The following PRR12 variants were observed in gnomAD, a reference collection of about 807,000 sequenced individuals.
PRR12 encodes proline-rich protein 12.
Under a neutral mutation model 138.0 loss-of-function variants are expected in PRR12, and 12 were observed. That is an observed-to-expected ratio of 0.09 (90% confidence interval 0.06 to 0.14). The LOEUF (loss-of-function observed/expected upper bound fraction) is 0.14. Ranked by LOEUF, PRR12 falls within the 10% of genes least tolerant of loss-of-function variation. The pLI, the probability that PRR12 is intolerant of heterozygous loss-of-function variation, is 1.00. For synonymous variants in PRR12, 1,567 were observed against 1,291.7 expected, an observed-to-expected ratio of 1.21 and a Z score of -4.57; for missense variants, 2,692 against 2,861.3, an observed-to-expected ratio of 0.94 and a Z score of 1.35.
Position 49,594,554 on chromosome 19 carries a change from C to G in PRR12, c.300C>G (p.Pro100=). The change falls in exon 3 of 14, where the codon CCC becomes CCG. Residue 100 remains proline (P), a synonymous_variant. Transcript: ENST00000418929. This position sits in a 1 kb window ranked among gnomAD's most constrained non-coding sequence, Gnocchi z 5.6. ...TCTCGGCCCTGGAATCCCGGGGCCC[C>G]CAGCCTGGCCCCTCCGCCTCCTCTC... ...NLISALESRG[P]QPGPSASSLL... 6.2e-7 allele frequency: 1 copy of G among 1,613,050 alleles called. No homozygotes were observed. The highest frequency in any genetic ancestry group is 8.5e-7 in the Non-Finnish European group (1 of 1,179,508).
chr19:49,596,120 C>G lies in PRR12; in HGVS notation c.1785C>G (p.Ala595=), dbSNP rs755385693. ...APGKYLSSVL[A]SAPFLAPPGA... ...GCAAATACCTGAGCTCAGTCTTGGCCTCAGCGCCTTTCCTGGCACCTCCGG... is the reference window on the plus strand; with the variant it reads ...GCAAATACCTGAGCTCAGTCTTGGCGTCAGCGCCTTTCCTGGCACCTCCGG... The change falls in exon 4 of 14, where the codon GCC becomes GCG. Residue 595 remains alanine (A), a synonymous_variant. Coordinates refer to ENST00000418929, the MANE Select transcript of PRR12 (RefSeq NM_020719.3). This position sits in a 1 kb window ranked among gnomAD's most constrained non-coding sequence, Gnocchi z 5.6. The G allele has an allele frequency of 6.2e-7, 1 of 1,604,082 alleles. No homozygotes were observed. The highest frequency in any genetic ancestry group is 8.5e-7 in the Non-Finnish European group (1 of 1,179,768).
In PRR12 at chr19:49,599,520, T is replaced by G; in HGVS notation, c.3927T>G (p.Pro1309=). The G allele has an allele frequency of 6.3e-7, 1 of 1,597,114 alleles. No homozygotes were observed. Among genetic ancestry groups the G allele is most frequent in the South Asian group, 1.1e-5 (1 of 88,832 alleles). The change falls in exon 5 of 14, where the codon CCT becomes CCG. Residue 1309 remains proline (P), a synonymous_variant. Coordinates refer to ENST00000418929, the MANE Select transcript of PRR12 (RefSeq NM_020719.3). This position sits in a 1 kb window ranked among gnomAD's most constrained non-coding sequence, Gnocchi z 5.0. Reference sequence around the variant, plus strand: ...CGGGCCTGACGCCTCCGCTCAGCCCTCCCAAGAGTGTGCCACCCTCTGTGC... The same window carrying G: ...CGGGCCTGACGCCTCCGCTCAGCCCGCCCAAGAGTGTGCCACCCTCTGTGC... ...YQAGLTPPLS[P]PKSVPPSVPA...
chr19:49,617,941 TAA>T (rs757473492), intron 9 of PRR12, among the ~76,000 whole-genome samples: 2 of 151,768 alleles, frequency 1.3e-5, no homozygotes, highest in African/African-American at 4.8e-5. Context: ...CTACTAAAAA[TAA>T]AAAAATTAGC....
rs919896474 is a variant in PRR12 at position 49,625,176 on chromosome 19, C to T, written c.5940C>T (p.His1980=). The T allele has an allele frequency of 1.2e-6, 2 of 1,613,766 alleles. No homozygotes were observed. The highest frequency in any genetic ancestry group is 1.7e-6 in the Non-Finnish European group (2 of 1,179,726). ...LYHSLHHYKY[H]TFLRCRDQTL... is the part of the protein sequence containing the mutation. ...ATTCGCTCCACCACTATAAATACCA[C>T]ACCTTCCTGCGCTGCCGGGACCAGG... Residue 1980 remains histidine, a synonymous_variant, in exon 13 of 14, where the codon CAC becomes CAT. Coordinates refer to ENST00000418929, the MANE Select transcript of PRR12 (RefSeq NM_020719.3). This position sits in a 1 kb window ranked among gnomAD's most constrained non-coding sequence, Gnocchi z 5.5.
chr19:49,615,920 C>T lies in PRR12; in HGVS notation c.5198C>T (p.Ser1733Phe), dbSNP rs1020488259. 5.8e-6 allele frequency: 9 copies of T among 1,559,398 alleles called. No homozygotes were observed. In the Admixed American group the frequency reaches 1.6e-4, roughly 27 times the overall value. ...MPEPPAPEKP[S>F]LLRPVEKEKE... ...GAGCCCCCTGCCCCCGAGAAGCCCT[C>T]CCTCCTGCGGCCTGTTGAGAAGGAA... Residue 1733 changes from serine (S) to phenylalanine (F), a missense_variant, in exon 9 of 14, where the codon TCC becomes TTC. Physicochemically the swap from Ser to Phe is radical, Grantham distance 155. Transcript: ENST00000418929.
Position 49,595,880 on chromosome 19 carries a change from A to C in PRR12, c.1545A>C (p.Pro515=), listed in dbSNP as rs749383528. The C allele has an allele frequency of 9.4e-6, 15 of 1,603,300 alleles. No individual in the cohort carries two copies. The highest frequency in any genetic ancestry group is 1.3e-5 in the Non-Finnish European group (15 of 1,179,342). The change falls in exon 4 of 14, where the codon CCA becomes CCC. Residue 515 remains proline, a synonymous_variant. Coordinates refer to ENST00000418929, the MANE Select transcript of PRR12 (RefSeq NM_020719.3). ...QLYGVQGEPY[P]GPAAHSQGLP... is the part of the protein sequence containing the mutation. ...ATGGGGTGCAGGGCGAGCCATACCCAGGGCCAGCCGCCCACTCCCAGGGGC... is the reference window on the plus strand; with the variant it reads ...ATGGGGTGCAGGGCGAGCCATACCCCGGGCCAGCCGCCCACTCCCAGGGGC...
In PRR12 at chr19:49,625,102, C is replaced by T. The variant is rs777518647; in HGVS notation, c.5869-3C>T. ...GGGCTGAGGCATCTCCACTCCTACC[C>T]AGGAGTTCAAGGTTGAGCTGGAAAA... is the stretch of plus-strand genomic sequence containing the variant. On this transcript the variant is annotated splice_region_variant and splice_polypyrimidine_tract_variant and intron_variant, in intron 12 of 13. Coordinates refer to ENST00000418929, the MANE Select transcript of PRR12 (RefSeq NM_020719.3). The surrounding 1 kb of genome is among the most constrained non-coding windows in gnomAD (Gnocchi z 5.5). 5 of 1,612,798 alleles carry T rather than the reference C, an allele frequency of 3.1e-6. No individual in the cohort carries two copies. In the South Asian group the frequency reaches 5.5e-5, roughly 18 times the overall value.
chr19:49,593,461 G>A (rs879576422), intron 2 of PRR12, 22 bp downstream of exon 2: 4 of 842,952 alleles, frequency 4.7e-6, no homozygotes, highest in Admixed American at 3.3e-5. Flanking sequence ...ATCCCGCCCC[G>A]CTTTGGGCTG....
In PRR12 at chr19:49,601,974, T is replaced by C. The variant is rs1237769996; in HGVS notation, c.4773+56T>C. 4 of 1,569,624 alleles carry C rather than the reference T, an allele frequency of 2.5e-6. No individual in the cohort carries two copies. In the Admixed American group the frequency reaches 7.4e-5, roughly 29 times the overall value. On this transcript the variant is annotated intron_variant, in intron 6 of 13. Coordinates refer to ENST00000418929, the MANE Select transcript of PRR12 (RefSeq NM_020719.3). ...CTGATGGGTTTGGTCACCTGTTTGT[T>C]GAGTGCCCGCTGGATGACAGGCTTG... is the stretch of plus-strand genomic sequence containing the variant.
intron 6 of PRR12, among the ~76,000 whole-genome samples, chr19:49,603,675 G>T (rs1483965047): frequency 6.6e-6 from 1 of 152,022 alleles, no homozygotes; most frequent in Non-Finnish European, 1.5e-5. Flanking sequence ...TCCAACCTGG[G>T]CACCAGAGCA....
chr19:49,606,315 CTTTTTTTTTTTT>C (rs112170187), intron 6 of PRR12, among the ~76,000 whole-genome samples: 1 of 141,354 alleles, frequency 7.1e-6, no homozygotes, highest in Non-Finnish European at 1.5e-5. Context: ...TTTTTTTCTT[CTTTTTTTTTTTT>C]TTGAGACAGA....
rs766447438 is a variant in PRR12, at chr19:49,595,142, G to A, written c.807G>A (p.Ser269=). The stretch of plus-strand genomic sequence containing the variant: ...CCTCCCCACAGCTCTATAACTTCTC[G>A]GGTGCTGCCCCGGGCCCACCGCCGC... The part of the protein sequence containing the change: ...EQSSPQLYNF[S]GAAPGPPPPE... Residue 269 remains serine (S), a synonymous_variant, in exon 4 of 14, where the codon TCG becomes TCA. Coordinates refer to ENST00000418929, the MANE Select transcript of PRR12 (RefSeq NM_020719.3). The A allele has an allele frequency of 1.9e-4, 299 of 1,611,494 alleles. 1 individual carries two copies. Among genetic ancestry groups the A allele is most frequent in the Non-Finnish European group, 2.1e-4 (253 of 1,179,628 alleles).
intron 6 of PRR12, among the ~76,000 whole-genome samples, chr19:49,607,439 A>G (rs1326308216): frequency 2.0e-5 from 3 of 151,634 alleles, no homozygotes; most frequent in Admixed American, 2.0e-4. Flanking sequence ...GGCGTGGTGG[A>G]TCATGCCTGT....
At position 49,596,902 on chromosome 19, in the gene PRR12, G is replaced by A. The variant is rs933049390; in HGVS notation, c.2567G>A (p.Ser856Asn). The change falls in exon 4 of 14, where the codon AGC becomes AAC. Residue 856 changes from serine (S) to asparagine (N), a missense_variant. Transcript: ENST00000418929. This position sits in a 1 kb window ranked among gnomAD's most constrained non-coding sequence, Gnocchi z 5.6. ...MPLQLEAHLR[S>N]HGLEPAAPSP... Reference sequence around the variant, plus strand: ...CTGCAGCTCGAGGCCCACCTCCGCAGCCATGGCCTGGAGCCCGCGGCCCCC... The same window carrying A: ...CTGCAGCTCGAGGCCCACCTCCGCAACCATGGCCTGGAGCCCGCGGCCCCC... 3.4e-6 allele frequency: 5 copies of A among 1,484,400 alleles called. No individual in the cohort carries two copies. The highest frequency in any genetic ancestry group is 4.5e-6 in the Non-Finnish European group (5 of 1,115,480). The allele number at this position is 1,484,400 out of a possible 1,614,324, so 92.0% of individuals were successfully genotyped here.
intron 11 of PRR12, 42 bp downstream of exon 11, chr19:49,621,664 C>A: frequency 6.8e-7 from 1 of 1,475,064 alleles, no homozygotes; most frequent in Non-Finnish European, 9.2e-7. Flanking sequence ...GGCCCAGGGT[C>A]CACATGGAGA....
chr19:49,592,087 G>T (rs531110294), intron 1 of PRR12, among the ~76,000 whole-genome samples: 3 of 142,074 alleles, frequency 2.1e-5, no homozygotes, highest in South Asian at 4.6e-4. Context: ...TCCCCCCCGC[G>T]CCCCAGGCAC....
Position 49,597,256 on chromosome 19 carries a change from C to T in PRR12, c.2921C>T (p.Pro974Leu), listed in dbSNP as rs1223627541. 5.1e-6 allele frequency: 8 copies of T among 1,572,908 alleles called. No homozygotes were observed. Among genetic ancestry groups the T allele is most frequent in the Non-Finnish European group, 6.9e-6 (8 of 1,160,138 alleles). Reference sequence around the variant, plus strand: ...GGGCCACCTGAGGACGAGGGGGACCCCAAGGCTGGCGCTGGGCCACCCCCC... The same window carrying T: ...GGGCCACCTGAGGACGAGGGGGACCTCAAGGCTGGCGCTGGGCCACCCCCC... ...KAGPPEDEGD[P>L]KAGAGPPPGP... The change falls in exon 4 of 14, where the codon CCC becomes CTC. Residue 974 changes from proline to leucine, a missense_variant. Pro to Leu is a moderately conservative substitution (Grantham distance 98). Coordinates refer to ENST00000418929, the MANE Select transcript of PRR12 (RefSeq NM_020719.3). This position sits in a 1 kb window ranked among gnomAD's most constrained non-coding sequence, Gnocchi z 6.3.
At chr19:49,592,068 G>A (rs1599781922) in intron 1 of PRR12, among the ~76,000 whole-genome samples, 1 of 152,064 alleles carries the variant, frequency 6.6e-6, no homozygotes, top group Non-Finnish European at 1.5e-5. Flanking sequence ...TTCCCGGCTT[G>A]GTGACCCCTC....
Position 49,614,620 on chromosome 19 carries a change from G to A in PRR12, c.4861G>A (p.Gly1621Ser), listed in dbSNP as rs772397549. 3.2e-6 allele frequency: 5 copies of A among 1,563,614 alleles called. No homozygotes were observed. Among genetic ancestry groups the A allele is most frequent in the Non-Finnish European group, 4.3e-6 (5 of 1,154,154 alleles). ...GAAATTCACTCCGGAGATCAAGGAC[G>A]GCCAGAGGCAGTTTTGTGCCACCAG... ...LQKFTPEIKD[G>S]QRQFCATSNY... Residue 1621 changes from glycine (G) to serine (S), a missense_variant, in exon 7 of 14, where the codon GGC becomes AGC. Physicochemically the swap from Gly to Ser is moderately conservative, Grantham distance 56. This residue lies in a region of PRR12 where 92 missense variants were observed against 174.1 expected (regional missense o/e 0.53). Transcript: ENST00000418929. The surrounding 1 kb of genome is among the most constrained non-coding windows in gnomAD (Gnocchi z 5.0).
Sources: gnomAD v4.1 joint callset for allele counts (sites outside exome capture counted in the v4.1 genomes callset) on GRCh38, gnomAD v4.1.1 for gene constraint, gnomAD v4.1.1 regional missense constraint, Gnocchi (gnomAD v3.1) non-coding constraint, MANE v1.5 for transcripts, NCBI Gene and HGNC (gene_info 2026-07-23, HGNC 2026-07-21) for gene names.